The following SLC12A8 variants were observed in gnomAD, a reference collection of about 807,000 sequenced individuals.
SLC12A8 encodes cation-chloride cotransporter 9.
SLC12A8 carries 69 observed loss-of-function variants against 75.6 expected under a neutral mutation model. The observed-to-expected ratio is 0.91, with a 90% CI of 0.75 to 1.11. SLC12A8 has a LOEUF of 1.11. Ranked by LOEUF, SLC12A8 falls within the 50% of genes most tolerant of loss-of-function variation. SLC12A8 has a pLI of 0.00. For missense variants in SLC12A8, 877 were observed against 896.7 expected, an observed-to-expected ratio of 0.98 and a Z score of 0.28; for synonymous variants, 365 against 372.8, an observed-to-expected ratio of 0.98 and a Z score of 0.24.
chr3:125,131,091 T>C (rs1029187866), intron 6 of SLC12A8, among the ~76,000 whole-genome samples: 6 of 152,238 alleles, frequency 3.9e-5, no homozygotes, highest in African/African-American at 1.4e-4. Context: ...CATCATCAGA[T>C]GTTAACTTTG....
chr3:125,140,957 C>A (rs1933616410), intron 5 of SLC12A8, among the ~76,000 whole-genome samples: 1 of 152,146 alleles, frequency 6.6e-6, no homozygotes, highest in African/African-American at 2.4e-5. Flanking sequence ...GCTTTCAATT[C>A]CTCTGCTGGT....
chr3:125,193,227 G>A (rs910074434), intron 2 of SLC12A8, among the ~76,000 whole-genome samples: 1 of 152,106 alleles, frequency 6.6e-6, no homozygotes, highest in Non-Finnish European at 1.5e-5. Context: ...AAAATTAGCC[G>A]GGTGTGGTTG....
chr3:125,167,203 G>A (rs1194922914), intron 5 of SLC12A8, among the ~76,000 whole-genome samples: 1 of 150,984 alleles, frequency 6.6e-6, no homozygotes, highest in Non-Finnish European at 1.5e-5. Context: ...AGGCTGCAGT[G>A]CAATGGCACA....
intron 10 of SLC12A8, among the ~76,000 whole-genome samples, chr3:125,105,003 A>C (rs1938988840): frequency 6.6e-6 from 1 of 152,188 alleles, no homozygotes; most frequent in African/African-American, 2.4e-5. Context: ...AGCTAGATGA[A>C]GTCACTATTA....
chr3:125,211,250 C>A, intron 2 of SLC12A8, 49 bp downstream of exon 2: 1 of 1,499,326 alleles, frequency 6.7e-7, no homozygotes. Flanking sequence ...TCTGGGGATC[C>A]CCGTGCTCAC....
chr3:125,187,803 G>T (rs1030287508), intron 3 of SLC12A8, among the ~76,000 whole-genome samples: 1 of 135,434 alleles, frequency 7.4e-6, no homozygotes, highest in Non-Finnish European at 1.5e-5. Context: ...GGCCTCTCCT[G>T]CTCATTCTGT....
chr3:125,134,103 T>C (rs1212842005), intron 6 of SLC12A8, among the ~76,000 whole-genome samples: 1 of 152,094 alleles, frequency 6.6e-6, no homozygotes, highest in Non-Finnish European at 1.5e-5. Flanking sequence ...GTATCGATAG[T>C]TATTTTTCTT....
chr3:125,186,972 ATG>A (rs1431421145), intron 4 of SLC12A8, among the ~76,000 whole-genome samples: 1 of 152,242 alleles, frequency 6.6e-6, no homozygotes, highest in Non-Finnish European at 1.5e-5. Context: ...AACAGCAAGA[ATG>A]TGCTGGCCAG....
intron 8 of SLC12A8, among the ~76,000 whole-genome samples, chr3:125,114,996 A>G: frequency 6.6e-6 from 1 of 152,208 alleles, no homozygotes; most frequent in East Asian, 1.9e-4. Context: ...TTGTGGGGAG[A>G]AAATGTGTTC....
At chr3:125,144,876 A>T (rs1933734212) in intron 5 of SLC12A8, among the ~76,000 whole-genome samples, 2 of 151,924 alleles carry the variant, frequency 1.3e-5, no homozygotes, top group South Asian at 4.2e-4. Flanking sequence ...GTCAGTATCA[A>T]CACACCGATA....
At chr3:125,148,054 G>A (rs1276411750) in intron 5 of SLC12A8, among the ~76,000 whole-genome samples, 4 of 152,198 alleles carry the variant, frequency 2.6e-5, no homozygotes, top group African/African-American at 9.7e-5. Context: ...AGGTCAGAGA[G>A]GTTAACTACC....
At chr3:125,137,817 T>C (rs760264447) in intron 5 of SLC12A8, among the ~76,000 whole-genome samples, 14 of 152,200 alleles carry the variant, frequency 9.2e-5, no homozygotes, top group Non-Finnish European at 1.9e-4. Context: ...AATGAGTCAC[T>C]TGGCTCCCTC....
intron 5 of SLC12A8, among the ~76,000 whole-genome samples, chr3:125,137,763 C>G (rs139821618): frequency 2.5e-3 from 376 of 152,346 alleles, no homozygotes; most frequent in African/African-American, 8.5e-3. Flanking sequence ...CACTGGGAAG[C>G]CTTTTCTCTG....
At chr3:125,147,137 G>A (rs568172026) in intron 5 of SLC12A8, among the ~76,000 whole-genome samples, 6 of 152,340 alleles carry the variant, frequency 3.9e-5, no homozygotes, top group Non-Finnish European at 7.3e-5. Flanking sequence ...GAAGACTTCC[G>A]CAAAATCAAG....
In SLC12A8 at chr3:125,092,215, G is replaced by T; in HGVS notation, c.1706-17C>A. 8 of 1,579,426 alleles carry T rather than the reference G, an allele frequency of 5.1e-6. No homozygotes were observed. The highest frequency in any genetic ancestry group is 7.0e-6 in the Non-Finnish European group (8 of 1,149,550). ...GGAAGAAATCTAAAAAATAGCCAAA[G>T]ATTTGGCTGCCAAATTGCTATCAAC... On this transcript the variant is annotated splice_polypyrimidine_tract_variant and intron_variant, in intron 10 of 13. Transcript: ENST00000469902.
At chr3:125,156,355 A>G (rs1310815845) in intron 5 of SLC12A8, among the ~76,000 whole-genome samples, 1 of 152,180 alleles carries the variant, frequency 6.6e-6, no homozygotes, top group East Asian at 1.9e-4. Flanking sequence ...TCTCAGGGCC[A>G]GGCCATCAGT....
At chr3:125,096,970 G>A (rs1012520161) in intron 10 of SLC12A8, among the ~76,000 whole-genome samples, 1 of 152,080 alleles carries the variant, frequency 6.6e-6, no homozygotes, top group South Asian at 2.1e-4. Flanking sequence ...ATGTTAAATT[G>A]TATAGTTTTA....
intron 6 of SLC12A8, among the ~76,000 whole-genome samples, chr3:125,128,219 C>T (rs1389063408): frequency 8.7e-5 from 10 of 115,338 alleles, no homozygotes; most frequent in East Asian, 5.3e-4. Flanking sequence ...CTCGCTCTGT[C>T]GCCCAGGCTG....
At chr3:125,129,182 G>T (rs1174057624) in intron 6 of SLC12A8, among the ~76,000 whole-genome samples, 2 of 152,152 alleles carry the variant, frequency 1.3e-5, no homozygotes, top group African/African-American at 4.8e-5. Context: ...TGGGAACAAG[G>T]GTTACAGGAC....
Sources: allele counts gnomAD v4.1 joint callset (sites outside exome capture counted in the v4.1 genomes callset), GRCh38; gene constraint gnomAD v4.1.1; transcripts MANE v1.5; gene names NCBI Gene and HGNC (gene_info 2026-07-23, HGNC 2026-07-21).